CPPED1: variants seen among roughly 807,000 people sequenced by gnomAD.
The protein encoded by CPPED1 is serine/threonine-protein phosphatase CPPED1.
A neutral mutation model predicts 28.0 loss-of-function variants in CPPED1; 28 were observed. The ratio of observed to expected loss-of-function variants is 1.00; its 90% CI spans 0.74 to 1.37. The LOEUF (loss-of-function observed/expected upper bound fraction) is 1.37, where lower values mean the gene tolerates loss of function less well. Ranked by LOEUF, CPPED1 falls within the 40% of genes most tolerant of loss-of-function variation. The pLI, the probability that CPPED1 is intolerant of heterozygous loss-of-function variation, is 0.00. For missense variants in CPPED1, 504 were observed against 416.5 expected (o/e 1.21, Z -1.83); for synonymous variants, 198 against 180.2 (o/e 1.10, Z -0.79).
At chr16:12,770,747 G>A (rs1446722998) in intron 2 of CPPED1, among the ~76,000 whole-genome samples, 3 of 151,950 alleles carry the variant, frequency 2.0e-5, no homozygotes, top group Non-Finnish European at 2.9e-5. Context: ...GCTTGAACCC[G>A]GGAGGCAGAG....
intron 3 of CPPED1, among the ~76,000 whole-genome samples, chr16:12,691,438 T>C (rs1459058051): frequency 1.3e-5 from 2 of 152,104 alleles, no homozygotes; most frequent in Non-Finnish European, 2.9e-5. Flanking sequence ...AGAAACACAA[T>C]TTGACCCAGC....
At chr16:12,764,205 T>C (rs2080426175) in intron 2 of CPPED1, among the ~76,000 whole-genome samples, 1 of 12,808 alleles carries the variant, frequency 7.8e-5, no homozygotes, top group South Asian at 2.1e-3. Flanking sequence ...TGATTTTAAT[T>C]TTTTTTTTTT....
chr16:12,720,767 C>T (rs777564206), intron 2 of CPPED1, among the ~76,000 whole-genome samples: 1 of 152,232 alleles, frequency 6.6e-6, no homozygotes, highest in African/African-American at 2.4e-5. Context: ...CGTGCGCCAT[C>T]GTGCCCAGCC....
chr16:12,794,932 A>G (rs1220716915), intron 1 of CPPED1, among the ~76,000 whole-genome samples: 2 of 152,252 alleles, frequency 1.3e-5, no homozygotes, highest in African/African-American at 4.8e-5. Context: ...CTTCGTGGCC[A>G]GGCGGCTTTT....
chr16:12,683,962 G>A (rs537189628), intron 3 of CPPED1, among the ~76,000 whole-genome samples: 5 of 152,218 alleles, frequency 3.3e-5, no homozygotes, highest in African/African-American at 9.6e-5. Context: ...CCTCAAGATC[G>A]CAAGATGGCT....
intron 3 of CPPED1, among the ~76,000 whole-genome samples, chr16:12,673,165 C>T (rs534952676): frequency 3.3e-4 from 51 of 152,250 alleles, no homozygotes; most frequent in African/African-American, 1.1e-3. Flanking sequence ...GGGTTGGGCG[C>T]CTGATGGGTC....
At chr16:12,676,740 A>C (rs1241201736) in intron 3 of CPPED1, among the ~76,000 whole-genome samples, 1 of 152,146 alleles carries the variant, frequency 6.6e-6, no homozygotes, top group Non-Finnish European at 1.5e-5. Context: ...CTGAGGGGGC[A>C]TCATATTATG....
At chr16:12,722,466 G>A (rs1020467875) in intron 2 of CPPED1, among the ~76,000 whole-genome samples, 3 of 152,210 alleles carry the variant, frequency 2.0e-5, no homozygotes, top group Admixed American at 1.3e-4. Context: ...AGCTGGGCGC[G>A]GTGGCTCACG....
intron 2 of CPPED1, among the ~76,000 whole-genome samples, chr16:12,734,269 G>A (rs181555464): frequency 2.6e-5 from 4 of 151,880 alleles, no homozygotes; most frequent in African/African-American, 9.7e-5. Context: ...GGGGCTTTGC[G>A]ATGTTGGCCA....
At chr16:12,689,674 G>C (rs775154677) in intron 3 of CPPED1, among the ~76,000 whole-genome samples, 1 of 152,044 alleles carries the variant, frequency 6.6e-6, no homozygotes, top group Non-Finnish European at 1.5e-5. Context: ...TCACAAAGCC[G>C]AAGGAAACGA....
rs1596463384 is a variant in CPPED1, at chr16:12,731,632, G to A, written c.290-26583C>T. On this transcript the variant is annotated intron_variant, in intron 2 of 3. Coordinates refer to ENST00000381774, the MANE Select transcript of CPPED1 (RefSeq NM_018340.3). ...AAAGCCACCGATAATACGGAAATGGGGAGCCTTCATCACGCGATGGTGAAG... is the reference window on the plus strand; with the variant it reads ...AAAGCCACCGATAATACGGAAATGGAGAGCCTTCATCACGCGATGGTGAAG... Among the ~76,000 whole-genome samples, 3 of 151,648 alleles carry A rather than the reference G, an allele frequency of 2.0e-5. No homozygotes were observed. The South Asian group carries it at 6.2e-4, about 32-fold the overall frequency.
chr16:12,699,308 C>T (rs1277218760), intron 3 of CPPED1, among the ~76,000 whole-genome samples: 1 of 152,166 alleles, frequency 6.6e-6, no homozygotes, highest in African/African-American at 2.4e-5. Context: ...TTTGTACCGG[C>T]TATTGACAAT....
At chr16:12,727,715 G>T (rs1473906008) in intron 2 of CPPED1, among the ~76,000 whole-genome samples, 1 of 152,080 alleles carries the variant, frequency 6.6e-6, no homozygotes, top group South Asian at 2.1e-4. Flanking sequence ...TAATGACAAG[G>T]CTATACAACT....
intron 2 of CPPED1, among the ~76,000 whole-genome samples, chr16:12,771,410 C>T (rs969970179): frequency 1.3e-5 from 2 of 152,262 alleles, no homozygotes; most frequent in Non-Finnish European, 2.9e-5. Flanking sequence ...CCAGCATTCA[C>T]TGAATACCTT....
At chr16:12,777,897 T>C (rs2080506791) in intron 2 of CPPED1, among the ~76,000 whole-genome samples, 2 of 132,476 alleles carry the variant, frequency 1.5e-5, no homozygotes, top group Non-Finnish European at 1.7e-5. Flanking sequence ...TCTTTTTTTC[T>C]ATTTTCTTTT....
intron 2 of CPPED1, among the ~76,000 whole-genome samples, chr16:12,715,684 T>C (rs75189130): frequency 0.022 from 3,346 of 152,160 alleles, 57 homozygotes; most frequent in East Asian, 0.1. Flanking sequence ...AGCTAAGCTA[T>C]CTTCCAGATA....
intron 2 of CPPED1, among the ~76,000 whole-genome samples, chr16:12,727,300 G>A (rs1488263836): frequency 6.6e-6 from 1 of 152,162 alleles, no homozygotes; most frequent in Non-Finnish European, 1.5e-5. Context: ...AAATCCCAGA[G>A]GTTATCAAGG....
At chr16:12,767,892 T>A (rs531716064) in intron 2 of CPPED1, among the ~76,000 whole-genome samples, 141 of 152,096 alleles carry the variant, frequency 9.3e-4, no homozygotes, top group African/African-American at 3.3e-3. Flanking sequence ...AGGAGGAAGG[T>A]TGCAGTGAGC....
chr16:12,781,560 CT>C lies in CPPED1; in HGVS notation c.71-158del, dbSNP rs1469791859. 3.3e-5 allele frequency among the ~76,000 whole-genome samples: 5 copies of C among 152,182 alleles called. No individual in the cohort carries two copies. In the East Asian group the frequency reaches 9.7e-4, roughly 29 times the overall value. ...AAACATACCATTTTCCTGTCATAGT[CT>C]AGAGGATTTTGATTTATACTAATTA... On this transcript the variant is annotated intron_variant, in intron 1 of 3. Coordinates refer to ENST00000381774, the MANE Select transcript of CPPED1 (RefSeq NM_018340.3).
Sources: allele counts gnomAD v4.1 joint callset (sites outside exome capture counted in the v4.1 genomes callset), GRCh38; gene constraint gnomAD v4.1.1; transcripts MANE v1.5; gene names NCBI Gene and HGNC (gene_info 2026-07-23, HGNC 2026-07-21).